The following WDR25 variants were observed in gnomAD, a reference collection of about 807,000 sequenced individuals.
The protein encoded by WDR25 is WD repeat-containing protein 25.
WDR25 carries 35 observed loss-of-function variants against 47.7 expected under a neutral mutation model. The ratio of observed to expected loss-of-function variants is 0.73; its 90% confidence interval spans 0.56 to 0.97. WDR25 has a LOEUF of 0.97. Among genes scored for constraint, WDR25 ranks in the 50% least tolerant of loss-of-function variants. The pLI is 0.00. For synonymous variants in WDR25, 248 were observed against 278.9 expected, an observed-to-expected ratio of 0.89 and a Z score of 1.10; for missense variants, 634 against 704.7, an observed-to-expected ratio of 0.90 and a Z score of 1.14.
chr14:100,396,689 A>G (rs1470187628), intron 2 of WDR25, among the ~76,000 whole-genome samples: 1 of 152,220 alleles, frequency 6.6e-6, no homozygotes, highest in Non-Finnish European at 1.5e-5. Context: ...GGAGGAGATG[A>G]AGATCATAGG....
rs145113315 is a variant in WDR25 at position 100,515,191 on chromosome 14, C to G, written c.1102-10679C>G. 8.9e-4 allele frequency among the ~76,000 whole-genome samples: 136 copies of G among 152,190 alleles called. 2 individuals are homozygous for G. Among genetic ancestry groups the G allele is most frequent in the African/African-American group, 3.0e-3 (126 of 41,546 alleles). On this transcript the variant is annotated intron_variant, in intron 4 of 6. Transcript: ENST00000402312. Reference sequence around the variant, plus strand: ...CAATGGGCCTTGGTGTAATTTTTCTCTATGTTTCTTAGGCTTTGTTTAGTT... The same window carrying G: ...CAATGGGCCTTGGTGTAATTTTTCTGTATGTTTCTTAGGCTTTGTTTAGTT...
At chr14:100,441,507 G>T (rs544159207) in intron 2 of WDR25, among the ~76,000 whole-genome samples, 1 of 152,294 alleles carries the variant, frequency 6.6e-6, no homozygotes, top group Non-Finnish European at 1.5e-5. Flanking sequence ...CCCAGAGTGT[G>T]TGGGTCTTGG....
chr14:100,388,438 A>G (rs761322361), intron 2 of WDR25, among the ~76,000 whole-genome samples: 1 of 152,214 alleles, frequency 6.6e-6, no homozygotes, highest in Admixed American at 6.5e-5. Context: ...TCTGGACACT[A>G]TATTTGCTTC....
Position 100,421,600 on chromosome 14 carries a change from C to T in WDR25, c.822+39854C>T, listed in dbSNP as rs985663381. On this transcript the variant is annotated intron_variant, in intron 2 of 6. Transcript: ENST00000402312. ...CAGGTTTTAGTTATTAGCATTTTTCCGTATTTATACTGGGTACCTCTTTTT... is the reference window on the plus strand; with the variant it reads ...CAGGTTTTAGTTATTAGCATTTTTCTGTATTTATACTGGGTACCTCTTTTT... Among the ~76,000 whole-genome samples the T allele has an allele frequency of 1.3e-4, 20 of 152,106 alleles. 1 individual carries two copies. The highest frequency in any genetic ancestry group is 4.1e-4 in the African/African-American group (17 of 41,388).
At chr14:100,446,997 A>G (rs1898857904) in intron 2 of WDR25, among the ~76,000 whole-genome samples, 1 of 152,248 alleles carries the variant, frequency 6.6e-6, no homozygotes, top group African/African-American at 2.4e-5. Context: ...AATCCTTTAG[A>G]ATCACTTGTT....
intron 4 of WDR25, among the ~76,000 whole-genome samples, chr14:100,491,320 A>T (rs923391754): frequency 3.3e-5 from 5 of 152,208 alleles, no homozygotes; most frequent in Non-Finnish European, 7.3e-5. Context: ...TTGATGCCCA[A>T]ACCCTCACAG....
At chr14:100,470,079 AGACTTCCTGGAG>A (rs1899776979) in intron 3 of WDR25, among the ~76,000 whole-genome samples, 1 of 152,234 alleles carries the variant, frequency 6.6e-6, no homozygotes. Context: ...AAATCAAGGA[AGACTTCCTGGAG>A]GAAGTGAAAC....
intron 2 of WDR25, among the ~76,000 whole-genome samples, chr14:100,444,354 C>G (rs1331784560): frequency 6.6e-6 from 1 of 152,218 alleles, no homozygotes; most frequent in Non-Finnish European, 1.5e-5. Flanking sequence ...GCATCCGTGC[C>G]ACTTAGTTGT....
intron 1 of WDR25, among the ~76,000 whole-genome samples, chr14:100,380,482 A>G (rs1382167848): frequency 2.0e-5 from 3 of 148,592 alleles, no homozygotes; most frequent in African/African-American, 7.4e-5. Context: ...TTGTTTTTGT[A>G]TTTATTCTTT....
chr14:100,381,784 T>A, intron 2 of WDR25, 38 bp downstream of exon 2: 1 of 1,492,958 alleles, frequency 6.7e-7, no homozygotes, highest in Non-Finnish European at 9.1e-7. Flanking sequence ...TCAGATGCTC[T>A]TAGGAATACA....
At position 100,449,584 on chromosome 14, in the gene WDR25, C is replaced by G. The variant is rs1055483708; in HGVS notation, c.823-18437C>G. ...GTATGACAGCCAGGACACTCTGCCT[C>G]CACCCAGACTGGGCCTTCAGAAGGA... On this transcript the variant is annotated intron_variant, in intron 2 of 6. Transcript: ENST00000402312. This position sits in a 1 kb window ranked among gnomAD's most constrained non-coding sequence, Gnocchi z 4.2. Among the ~76,000 whole-genome samples, 1 of 152,218 alleles carries G rather than the reference C, an allele frequency of 6.6e-6. No homozygotes were observed. The highest frequency in any genetic ancestry group is 2.4e-5 in the African/African-American group (1 of 41,454).
In WDR25 at chr14:100,468,645, G is replaced by C. The variant is rs1415452866; in HGVS notation, c.970+477G>C. On this transcript the variant is annotated intron_variant, in intron 3 of 6. Transcript: ENST00000402312. This position sits in a 1 kb window ranked among gnomAD's most constrained non-coding sequence, Gnocchi z 4.5. ...AAAGGCACTTGGGTAGGATGGATTC[G>C]TGCCGGGTAAATCCTGAGAGGGCTC... Among the ~76,000 whole-genome samples the C allele has an allele frequency of 6.6e-6, 1 of 152,092 alleles. No homozygotes were observed. Among genetic ancestry groups the C allele is most frequent in the East Asian group, 1.9e-4 (1 of 5,174 alleles).
At chr14:100,465,101 C>A (rs1351123525) in intron 2 of WDR25, among the ~76,000 whole-genome samples, 2 of 151,996 alleles carry the variant, frequency 1.3e-5, no homozygotes, top group African/African-American at 4.8e-5. Flanking sequence ...GATGGCCCTC[C>A]TCATGCATGT....
chr14:100,422,795 C>A (rs1453205824), intron 2 of WDR25, among the ~76,000 whole-genome samples: 2 of 152,310 alleles, frequency 1.3e-5, no homozygotes, highest in East Asian at 3.9e-4. Context: ...TTTAATTTGC[C>A]TGCCCACTGG....
chr14:100,475,684 G>A (rs1284273704), intron 3 of WDR25, among the ~76,000 whole-genome samples: 1 of 152,094 alleles, frequency 6.6e-6, no homozygotes, highest in African/African-American at 2.4e-5. Context: ...GTTTCAGTTA[G>A]AATGAAGGAA....
At chr14:100,399,626 C>A (rs879425915) in intron 2 of WDR25, among the ~76,000 whole-genome samples, 2 of 152,186 alleles carry the variant, frequency 1.3e-5, no homozygotes, top group Admixed American at 1.3e-4. Flanking sequence ...AGAAGCCCAG[C>A]AGAAGCTCTG....
intron 5 of WDR25, among the ~76,000 whole-genome samples, chr14:100,526,640 TACCACC>T (rs1179979291): frequency 2.0e-5 from 3 of 151,800 alleles, no homozygotes; most frequent in African/African-American, 7.3e-5. Flanking sequence ...TAACTGTCAT[TACCACC>T]ACCACCATCA....
chr14:100,448,838 A>G (rs943551967), intron 2 of WDR25, among the ~76,000 whole-genome samples: 5 of 152,078 alleles, frequency 3.3e-5, no homozygotes, highest in Non-Finnish European at 7.4e-5. Context: ...AACTTGGCTT[A>G]TGGGAGTCAG....
At position 100,484,110 on chromosome 14, in the gene WDR25, A is replaced by G. The variant is rs371483857; in HGVS notation, c.1087A>G (p.Ile363Val). 4 of 1,613,354 alleles carry G rather than the reference A, an allele frequency of 2.5e-6. No homozygotes were observed. Among genetic ancestry groups the G allele is most frequent in the Non-Finnish European group, 2.5e-6 (3 of 1,179,810 alleles). The change falls in exon 4 of 7, where the codon ATA (isoleucine) becomes GTA (valine). Residue 363 changes from isoleucine to valine, a missense_variant. By Grantham distance (29) the Ile-to-Val change is conservative (BLOSUM62 3). Coordinates refer to ENST00000402312, the MANE Select transcript of WDR25 (RefSeq NM_001161476.3). ...GFSSEMKAWD[I>V]RTGKVMRSYK... The stretch of plus-strand genomic sequence containing the variant: ...CAGCTCTGAAATGAAAGCTTGGGAT[A>G]TAAGGACTGGCAAGGTAATAGCCAT...
Sources: gnomAD v4.1 joint callset for allele counts (sites outside exome capture counted in the v4.1 genomes callset) on GRCh38, gnomAD v4.1.1 for gene constraint, Gnocchi (gnomAD v3.1) non-coding constraint, MANE v1.5 for transcripts, NCBI Gene and HGNC (gene_info 2026-07-23, HGNC 2026-07-21) for gene names.